Variants in TIAM2 observed in about 807,000 individuals in gnomAD.
TIAM2 encodes TIAM Rac1 associated GEF 2.
TIAM2 carries 80 observed loss-of-function variants against 152.9 expected under a neutral mutation model. That is an observed-to-expected ratio of 0.52 (90% CI 0.44 to 0.63). The LOEUF is 0.63. Among genes scored for constraint, TIAM2 ranks in the 30% least tolerant of loss-of-function variants. TIAM2 has a pLI of 0.00. For synonymous variants in TIAM2, 804 were observed against 838.0 expected, an observed-to-expected ratio of 0.96 and a Z score of 0.70; for missense variants, 1,965 against 2,120.1, an observed-to-expected ratio of 0.93 and a Z score of 1.44.
rs549480946 is a variant in TIAM2 at position 155,248,364 on chromosome 6, A to C, written c.3832+185A>C. Among the ~76,000 whole-genome samples the C allele has an allele frequency of 2.6e-5, 4 of 152,272 alleles. No homozygotes were observed. In the South Asian group the frequency reaches 8.3e-4, roughly 32 times the overall value. On this transcript the variant is annotated intron_variant, in intron 20 of 26. Coordinates refer to ENST00000682666, the MANE Select transcript of TIAM2 (RefSeq NM_012454.4). ...TGTGAAACTAGCTAGGCGTCTGGGC[A>C]CTCCTTTAGAGCTTACAAAATACTT...
rs185896275 is a variant in TIAM2, at chr6:155,129,682, C to T, written c.459C>T (p.Gly153=). ...AGAGCATTGCCTCCACCCCACCGGG[C>T]GAAGACCGCAAGAGCCCCCGAGTGC... is the stretch of plus-strand genomic sequence containing the variant. ...RNESIASTPP[G]EDRKSPRVLI... Residue 153 remains glycine, a synonymous_variant, in exon 4 of 27, where the codon GGC becomes GGT. Transcript: ENST00000682666. This position sits in a 1 kb window ranked among gnomAD's most constrained non-coding sequence, Gnocchi z 4.8. 34 of 1,614,082 alleles carry T rather than the reference C, an allele frequency of 2.1e-5. No homozygotes were observed. Among genetic ancestry groups the T allele is most frequent in the Middle Eastern group, 1.6e-4 (1 of 6,062 alleles).
intron 1 of TIAM2, among the ~76,000 whole-genome samples, chr6:155,008,735 T>C (rs957290303): frequency 6.6e-6 from 1 of 152,240 alleles, no homozygotes; most frequent in Admixed American, 6.5e-5. Context: ...TTCCACTCTC[T>C]TGAATTATTC....
Position 155,090,329 on chromosome 6 carries a change from A to T in TIAM2, c.-168A>T, listed in dbSNP as rs1204186174. 6.6e-6 allele frequency: 1 copy of T among 152,234 alleles called. No individual in the cohort carries two copies. The highest frequency in any genetic ancestry group is 1.5e-5 in the Non-Finnish European group (1 of 68,038). 9.4% of individuals were successfully genotyped at this position (152,234 alleles called of 1,614,324 possible). A position where few individuals can be genotyped will look rare whatever the true frequency, so the allele number is the denominator to read the frequency against. ...TGACAAGGATACCTTCAGCCAGCTC[A>T]TTCTGGATGAATGAATGATTACACT... is the stretch of plus-strand genomic sequence containing the variant. On this transcript the variant is annotated 5_prime_UTR_variant, in exon 2 of 27. Transcript: ENST00000682666.
At chr6:155,023,855 C>T (rs759370619) in intron 1 of TIAM2, among the ~76,000 whole-genome samples, 16 of 152,146 alleles carry the variant, frequency 1.1e-4, no homozygotes, top group Non-Finnish European at 1.3e-4. Flanking sequence ...CTTAATTTAT[C>T]GGGTCCTTAC....
chr6:155,172,676 A>AT (rs1780642576), intron 9 of TIAM2, among the ~76,000 whole-genome samples: 1 of 13,072 alleles, frequency 7.6e-5, no homozygotes, highest in Non-Finnish European at 1.3e-4. Context: ...ATATATATAT[A>AT]TATATATATA....
Position 155,091,620 on chromosome 6 carries a change from T to C in TIAM2, c.-118+1241T>C, listed in dbSNP as rs184811797. 8.5e-5 allele frequency among the ~76,000 whole-genome samples: 13 copies of C among 152,380 alleles called. No individual in the cohort carries two copies. The East Asian group carries it at 2.5e-3, about 29-fold the overall frequency. On this transcript the variant is annotated intron_variant, in intron 2 of 26. Coordinates refer to ENST00000682666, the MANE Select transcript of TIAM2 (RefSeq NM_012454.4). ...AAGTTATCTAATATCTCTGGGTTTATTTATAAATATAATACATATTAAAGC... is the reference window on the plus strand; with the variant it reads ...AAGTTATCTAATATCTCTGGGTTTACTTATAAATATAATACATATTAAAGC...
At chr6:155,115,262 G>T (rs1040667350) in intron 2 of TIAM2, among the ~76,000 whole-genome samples, 1 of 151,100 alleles carries the variant, frequency 6.6e-6, no homozygotes, top group Admixed American at 6.6e-5. Context: ...ACATCTTACT[G>T]TATTGCCCAG....
chr6:155,235,825 T>A (rs1238963626), intron 15 of TIAM2, among the ~76,000 whole-genome samples: 1 of 152,242 alleles, frequency 6.6e-6, no homozygotes, highest in Admixed American at 6.5e-5. Flanking sequence ...TGAATTCTGT[T>A]TTTCTAAAAT....
rs896331264 is a variant in TIAM2 at position 155,186,453 on chromosome 6, C to T, written c.3064+2953C>T. On this transcript the variant is annotated intron_variant, in intron 14 of 26. Transcript: ENST00000682666. The surrounding 1 kb of genome is among the most constrained non-coding windows in gnomAD (Gnocchi z 4.5). ...TCCCTACCCCTTCCTTTGGGAATCT[C>T]GGGGTCACCTTCCAAATAAACTTCT... Among the ~76,000 whole-genome samples the T allele has an allele frequency of 2.6e-5, 4 of 152,166 alleles. No individual in the cohort carries two copies. The highest frequency in any genetic ancestry group is 1.3e-4 in the Admixed American group (2 of 15,280).
intron 8 of TIAM2, 128 bp downstream of exon 8, chr6:155,164,728 A>G (rs1780374705): frequency 8.7e-7 from 1 of 1,152,916 alleles, no homozygotes; most frequent in East Asian, 2.4e-5. Flanking sequence ...AGGCCAGGTC[A>G]CCCAGAGGCC....
intron 7 of TIAM2, among the ~76,000 whole-genome samples, chr6:155,152,493 G>C (rs1024827348): frequency 6.6e-6 from 1 of 152,186 alleles, no homozygotes; most frequent in African/African-American, 2.4e-5. Flanking sequence ...AGTCCATGTG[G>C]AGGTGATGGG....
intron 1 of TIAM2, among the ~76,000 whole-genome samples, chr6:155,033,960 GC>G (rs898567029): frequency 1.3e-5 from 2 of 151,756 alleles, no homozygotes; most frequent in Non-Finnish European, 2.9e-5. Flanking sequence ...CAGGTTATCT[GC>G]CCACCTCAGC....
rs1015693341 is a variant in TIAM2 at position 155,026,092 on chromosome 6, T to G, written c.-209+30600T>G. ...CTCTGATAATGATAGGCTGGATTTC[T>G]ATATGGAAACATAAAACAGCTCAAA... is the stretch of plus-strand genomic sequence containing the variant. On this transcript the variant is annotated intron_variant, in intron 1 of 26. Coordinates refer to ENST00000682666, the MANE Select transcript of TIAM2 (RefSeq NM_012454.4). 2.6e-5 allele frequency among the ~76,000 whole-genome samples: 4 copies of G among 152,292 alleles called. No individual in the cohort carries two copies. In the East Asian group the frequency reaches 5.8e-4, roughly 22 times the overall value.
In TIAM2 at chr6:155,174,375, CTT is replaced by C. The variant is rs982975061; in HGVS notation, c.2362-2429_2362-2428del. Among the ~76,000 whole-genome samples the C allele has an allele frequency of 2.8e-5, 4 of 144,446 alleles. No homozygotes were observed. The highest frequency in any genetic ancestry group is 1.5e-5 in the Non-Finnish European group (1 of 65,550). The allele number at this position is 144,446 out of a possible 152,430, so 94.8% of individuals were successfully genotyped here. Reference sequence around the variant, plus strand: ...TTCATTTGGTCTCACGAGATGCAGTCTTTTTTTTTTTTTGAGATGGAGCCTCC... The same window carrying C: ...TTCATTTGGTCTCACGAGATGCAGTCTTTTTTTTTTTGAGATGGAGCCTCC... On this transcript the variant is annotated intron_variant, in intron 9 of 26. Transcript: ENST00000682666. The surrounding 1 kb of genome is among the most constrained non-coding windows in gnomAD (Gnocchi z 4.2).
intron 14 of TIAM2, among the ~76,000 whole-genome samples, chr6:155,209,997 GA>G (rs1448829830): frequency 6.6e-6 from 1 of 152,160 alleles, no homozygotes; most frequent in African/African-American, 2.4e-5. Flanking sequence ...GATCAGCTCA[GA>G]TTGATTTCTT....
intron 7 of TIAM2, among the ~76,000 whole-genome samples, chr6:155,157,944 G>A (rs1266160051): frequency 1.3e-5 from 2 of 152,136 alleles, no homozygotes; most frequent in East Asian, 3.8e-4. Flanking sequence ...ATATCTCAAA[G>A]GAAAACAGAA....
Position 155,256,707 on chromosome 6 carries a change from G to A in TIAM2, c.4692G>A (p.Glu1564=). Residue 1564 remains glutamate (E), a synonymous_variant, in exon 27 of 27, where the codon GAG becomes GAA. Transcript: ENST00000682666. ...LADFADNLIK[E]SDILSDEDDD... ...ATTTTGCCGACAATCTCATCAAAGA[G>A]AGTGACATCCTGAGCGATGAAGATG... 1.2e-6 allele frequency: 2 copies of A among 1,614,226 alleles called. No homozygotes were observed. The highest frequency in any genetic ancestry group is 1.7e-6 in the Non-Finnish European group (2 of 1,180,046).
intron 4 of TIAM2, among the ~76,000 whole-genome samples, chr6:155,134,368 A>G (rs1452327668): frequency 2.6e-5 from 4 of 151,760 alleles, no homozygotes; most frequent in African/African-American, 4.8e-5. Context: ...GTATAAGAAT[A>G]AGTTATAAAT....
intron 1 of TIAM2, among the ~76,000 whole-genome samples, chr6:155,089,836 G>A (rs1049706118): frequency 6.6e-6 from 1 of 152,158 alleles, no homozygotes; most frequent in Non-Finnish European, 1.5e-5. Context: ...CAGTGAGAGC[G>A]AGATTTTCTC....
Sources: gnomAD v4.1 joint callset for allele counts (sites outside exome capture counted in the v4.1 genomes callset) on GRCh38, gnomAD v4.1.1 for gene constraint, Gnocchi (gnomAD v3.1) non-coding constraint, MANE v1.5 for transcripts, NCBI Gene and HGNC (gene_info 2026-07-23, HGNC 2026-07-21) for gene names.